MDH1: variants seen among roughly 807,000 people sequenced by gnomAD.
MDH1 encodes malate dehydrogenase 1.
A neutral mutation model predicts 38.7 loss-of-function variants in MDH1; 15 were observed. The observed-to-expected ratio is 0.39, with a 90% confidence interval of 0.26 to 0.60. The LOEUF (loss-of-function observed/expected upper bound fraction) is 0.60. Among genes scored for constraint, MDH1 ranks in the 20% least tolerant of loss-of-function variants. The pLI is 0.56. For synonymous variants in MDH1, 144 were observed against 143.6 expected, an observed-to-expected ratio of 1.00 and a Z score of -0.02; for missense variants, 368 against 405.2, an observed-to-expected ratio of 0.91 and a Z score of 0.79.
chr2:63,605,980 C>T lies in MDH1; in HGVS notation c.831C>T (p.Ser277=), dbSNP rs757528876. 2.5e-6 allele frequency: 4 copies of T among 1,614,030 alleles called. No individual in the cohort carries two copies. The highest frequency in any genetic ancestry group is 1.1e-5 in the South Asian group (1 of 91,088). ...VSMGVISDGN[S]YGVPDDLLYS... ...TGGGTGTTATCTCTGATGGCAACTCCTATGGTGTTCCTGATGATCTGCTCT... is the reference window on the plus strand; with the variant it reads ...TGGGTGTTATCTCTGATGGCAACTCTTATGGTGTTCCTGATGATCTGCTCT... The change falls in exon 8 of 9, where the codon TCC becomes TCT. Residue 277 remains serine, a synonymous_variant. Transcript: ENST00000233114.
chr2:63,595,263 G>C (rs1468531699), intron 2 of MDH1, among the ~76,000 whole-genome samples, 160 bp from the exon 3 acceptor site: 1 of 152,084 alleles, frequency 6.6e-6, no homozygotes, highest in East Asian at 1.9e-4. Flanking sequence ...CTTTCTGAAA[G>C]TGGCATAGTG....
Position 63,595,538 on chromosome 2 carries a change from A to G in MDH1, c.199+19A>G, listed in dbSNP as rs34038003. The G allele has an allele frequency of 0.027, 38,866 of 1,448,170 alleles. 634 individuals carry two copies. Among genetic ancestry groups the G allele is most frequent in the South Asian group, 0.034 (2,937 of 87,512 alleles). 89.7% of individuals were successfully genotyped at this position (1,448,170 alleles called of 1,614,324 possible). A position where few individuals can be genotyped will look rare whatever the true frequency, so the allele number is the denominator to read the frequency against. On this transcript the variant is annotated intron_variant, in intron 3 of 8. Transcript: ENST00000233114. ...CTGAAAGGTGGGTTGGGGAGTAGAG[A>G]AGGGATTTTATGGTATTTGATTTCT...
At position 63,599,272 on chromosome 2, in the gene MDH1, C is replaced by A; in HGVS notation, c.478C>A (p.His160Asn). Residue 160 changes from histidine to asparagine, a missense_variant, in exon 5 of 9, where the codon CAC (histidine) becomes AAC (asparagine). By Grantham distance (68) the His-to-Asn change is moderately conservative (BLOSUM62 1). Transcript: ENST00000233114. ...ENFSCLTRLD[H>N]NRAKAQIALK... ...CTTCAGTTGCTTGACTCGTTTGGAT[C>A]ACAACCGAGCTAAAGCTCAAGTAAG... The A allele has an allele frequency of 6.2e-7, 1 of 1,613,288 alleles. No individual in the cohort carries two copies. The highest frequency in any genetic ancestry group is 8.5e-7 in the Non-Finnish European group (1 of 1,179,534).
At chr2:63,592,482 C>T (rs1709218910) in intron 1 of MDH1, among the ~76,000 whole-genome samples, 1 of 152,128 alleles carries the variant, frequency 6.6e-6, no homozygotes, top group Admixed American at 6.5e-5. Context: ...TCCTGAGTGG[C>T]TGGAACTACA....
chr2:63,595,848 G>GT (rs1709301023), intron 3 of MDH1, among the ~76,000 whole-genome samples: 2 of 152,130 alleles, frequency 1.3e-5, no homozygotes. Flanking sequence ...CGTAGGAATT[G>GT]TCTACATTGT....
intron 7 of MDH1, 136 bp from the exon 8 acceptor site, chr2:63,605,803 G>A: frequency 1.3e-6 from 1 of 741,936 alleles, no homozygotes; most frequent in South Asian, 1.6e-5. Flanking sequence ...CCAGTACCTG[G>A]TGCTGATGAT....
chr2:63,593,318 TCCCAACCTCAGGTGATCCGCCTGC>T (rs1181189112), intron 1 of MDH1: 4 of 276,868 alleles, frequency 1.4e-5, no homozygotes, highest in Non-Finnish European at 2.9e-5. Context: ...GGTCTCAAAC[TCCCAACCTCAGGTGATCCGCCTGC>T]CTCAGCCTCC....
intron 5 of MDH1, chr2:63,599,965 T>C (rs371923068): frequency 6.6e-6 from 1 of 152,418 alleles, no homozygotes; most frequent in South Asian, 2.1e-4. Flanking sequence ...CAGATCTAAC[T>C]GGTCCTGGTG....
chr2:63,600,733 G>A lies in MDH1; in HGVS notation c.498+1441G>A, dbSNP rs372149714. On this transcript the variant is annotated intron_variant, in intron 5 of 8. Coordinates refer to ENST00000233114, the MANE Select transcript of MDH1 (RefSeq NM_005917.4). ...TTAGCTTAAAGTGCAAATATTCCCTGAGAGGCTATAGGCTGTGAGCTGGGT... is the reference window on the plus strand; with the variant it reads ...TTAGCTTAAAGTGCAAATATTCCCTAAGAGGCTATAGGCTGTGAGCTGGGT... 2.0e-5 allele frequency among the ~76,000 whole-genome samples: 3 copies of A among 152,094 alleles called. No homozygotes were observed. The East Asian group carries it at 5.8e-4, about 29-fold the overall frequency.
At position 63,604,828 on chromosome 2, in the gene MDH1, G is replaced by C. The variant is rs1709497033; in HGVS notation, c.631G>C (p.Glu211Gln). 2 of 1,614,212 alleles carry C rather than the reference G, an allele frequency of 1.2e-6. No homozygotes were observed. The highest frequency in any genetic ancestry group is 1.3e-5 in the African/African-American group (1 of 75,062). Residue 211 changes from glutamate to glutamine, a missense_variant, in exon 6 of 9, where the codon GAA becomes CAA. Coordinates refer to ENST00000233114, the MANE Select transcript of MDH1 (RefSeq NM_005917.4). ...KLQGKEVGVY[E>Q]ALKDDSWLKG... ...GCAAGGAAAGGAAGTTGGTGTTTAT[G>C]AAGCTCTGAAAGATGACAGCTGGCT...
chr2:63,602,335 T>G (rs927703148), intron 5 of MDH1, among the ~76,000 whole-genome samples: 1 of 145,022 alleles, frequency 6.9e-6, no homozygotes. Flanking sequence ...CCTTTTCGGT[T>G]GGTTGGTTGG....
chr2:63,594,907 C>G (rs1313924988), intron 2 of MDH1: 2 of 272,240 alleles, frequency 7.3e-6, no homozygotes, highest in African/African-American at 4.5e-5. Flanking sequence ...GTAAGCACTC[C>G]CTTGTTCATA....
chr2:63,597,673 A>G, intron 4 of MDH1, 99 bp downstream of exon 4: 1 of 1,085,724 alleles, frequency 9.2e-7, no homozygotes, highest in South Asian at 4.0e-5. Context: ...CCTTTTTTCT[A>G]GTTCTGTACA....
chr2:63,591,449 C>G (rs1331330035), intron 1 of MDH1, among the ~76,000 whole-genome samples: 2 of 152,194 alleles, frequency 1.3e-5, no homozygotes, highest in African/African-American at 2.4e-5. Context: ...ATTAACTGTT[C>G]ATTAGGTGGC....
chr2:63,592,677 T>C (rs1025890262), intron 1 of MDH1, among the ~76,000 whole-genome samples: 1 of 152,250 alleles, frequency 6.6e-6, no homozygotes, highest in African/African-American at 2.4e-5. Context: ...ATAAAATATC[T>C]TAAAAAATTT....
intron 5 of MDH1, among the ~76,000 whole-genome samples, chr2:63,602,934 C>CTTTTGT (rs1709452776): frequency 6.8e-5 from 9 of 131,536 alleles, no homozygotes; most frequent in Non-Finnish European, 1.2e-4. Flanking sequence ...TTTAACCGTT[C>CTTTTGT]TTTTTTTTTT....
At chr2:63,589,227 T>G in intron 1 of MDH1, 181 bp downstream of exon 1, 1 of 1,563,366 alleles carries the variant, frequency 6.4e-7, no homozygotes, top group Admixed American at 1.9e-5. Flanking sequence ...AGGGATTGAT[T>G]TCCACCTTGC....
At chr2:63,597,697 A>G in intron 4 of MDH1, 123 bp downstream of exon 4, 1 of 851,546 alleles carries the variant, frequency 1.2e-6, no homozygotes, top group Non-Finnish European at 1.6e-6. Context: ...ATCAGTAAAT[A>G]CGGCTCTAGA....
intron 1 of MDH1, 124 bp downstream of exon 1, chr2:63,589,170 G>A (rs1016915320): frequency 1.2e-6 from 2 of 1,610,310 alleles, no homozygotes; most frequent in South Asian, 1.1e-5. Flanking sequence ...CCTTTGGCAA[G>A]CTCGGACTCA....
Sources: gnomAD v4.1 joint callset for allele counts (sites outside exome capture counted in the v4.1 genomes callset) on GRCh38, gnomAD v4.1.1 for gene constraint, MANE v1.5 for transcripts, NCBI Gene and HGNC (gene_info 2026-07-23, HGNC 2026-07-21) for gene names.